Variants in ARGLU1 observed in about 807,000 individuals in gnomAD.
ARGLU1 encodes the protein arginine and glutamate rich 1, also known as arginine and glutamate-rich protein 1.
Under a neutral mutation model 37.6 loss-of-function variants are expected in ARGLU1, and 9 were observed. That is an observed-to-expected ratio of 0.24 (90% CI 0.14 to 0.42). The LOEUF (loss-of-function observed/expected upper bound fraction) is 0.42, where lower values mean the gene tolerates loss of function less well. ARGLU1 is among the 10% of genes least tolerant of loss of function. The pLI is 1.00. For missense variants in ARGLU1, 211 were observed against 359.2 expected (o/e 0.59, Z 3.34); for synonymous variants, 166 against 138.5 (o/e 1.20, Z -1.39).
chr13:106,563,222 CAT>C (rs1880864332), intron 1 of ARGLU1, among the ~76,000 whole-genome samples: 1 of 152,122 alleles, frequency 6.6e-6, no homozygotes, highest in African/African-American at 2.4e-5. Flanking sequence ...TAATAGGTAA[CAT>C]ATAATATTGT....
At chr13:106,553,725 T>C (rs1391078612) in intron 3 of ARGLU1, among the ~76,000 whole-genome samples, 1 of 152,236 alleles carries the variant, frequency 6.6e-6, no homozygotes, top group East Asian at 1.9e-4. Context: ...CCTACTTGTG[T>C]ACAAATATCC....
Position 106,557,250 on chromosome 13 carries a change from C to A in ARGLU1, c.574-119G>T, listed in dbSNP as rs542889231. On this transcript the variant is annotated intron_variant, in intron 2 of 3. Transcript: ENST00000400198. This position sits in a 1 kb window ranked among gnomAD's most constrained non-coding sequence, Gnocchi z 5.0. ...GACTTACAGGGTAGCTTTATAGCTA[C>A]CTTCTGTCTGACAAATGATAAACTG... 58 of 870,330 alleles carry A rather than the reference C, an allele frequency of 6.7e-5. 1 individual carries two copies. The South Asian group carries it at 9.1e-4, about 14-fold the overall frequency. The allele number at this position is 870,330 out of a possible 1,614,324, so 53.9% of individuals were successfully genotyped here.
rs1027175558 is a variant in ARGLU1 at position 106,543,161 on chromosome 13, C to T, written c.*835G>A. The T allele has an allele frequency of 6.6e-6, 1 of 152,118 alleles. No individual in the cohort carries two copies. Among genetic ancestry groups the T allele is most frequent in the African/African-American group, 2.4e-5 (1 of 41,336 alleles). 9.4% of individuals were successfully genotyped at this position (152,118 alleles called of 1,614,324 possible). A position where few individuals can be genotyped will look rare whatever the true frequency, so the allele number is the denominator to read the frequency against. ...ATAAAGTTGATATTTGTAAAAATAG[C>T]CATTAAATACTAATTCACAAGTATA... On this transcript the variant is annotated 3_prime_UTR_variant, in exon 4 of 4. Coordinates refer to ENST00000400198, the MANE Select transcript of ARGLU1 (RefSeq NM_018011.4).
chr13:106,557,197 C>CTGATTAG lies in ARGLU1; in HGVS notation c.574-67_574-66insCTAATCA. 2.2e-6 allele frequency: 3 copies of CTGATTAG among 1,362,726 alleles called. No individual in the cohort carries two copies. The highest frequency in any genetic ancestry group is 3.1e-6 in the Non-Finnish European group (3 of 967,098). The allele number at this position is 1,362,726 out of a possible 1,614,324, so 84.4% of individuals were successfully genotyped here. On this transcript the variant is annotated intron_variant, in intron 2 of 3. Coordinates refer to ENST00000400198, the MANE Select transcript of ARGLU1 (RefSeq NM_018011.4). The surrounding 1 kb of genome is among the most constrained non-coding windows in gnomAD (Gnocchi z 5.0). ...GTTTATTTTTATTGATAAATATTTA[C>CTGATTAG]TAATCTTCCTCTGAACTTTTTTGAT...
chr13:106,552,773 A>G (rs1382854131), intron 3 of ARGLU1, among the ~76,000 whole-genome samples: 1 of 152,244 alleles, frequency 6.6e-6, no homozygotes, highest in Non-Finnish European at 1.5e-5. Flanking sequence ...TGTCGCCAAC[A>G]CTAACTCAAG....
At chr13:106,555,714 G>A (rs767932444) in intron 3 of ARGLU1, among the ~76,000 whole-genome samples, 4 of 152,126 alleles carry the variant, frequency 2.6e-5, no homozygotes, top group Admixed American at 6.5e-5. Context: ...TTTCATGTGG[G>A]CAAATAATAG....
In ARGLU1 at chr13:106,564,885, C is replaced by T. The variant is rs975567052; in HGVS notation, c.347+2688G>A. Among the ~76,000 whole-genome samples, 4 of 152,188 alleles carry T rather than the reference C, an allele frequency of 2.6e-5. No individual in the cohort carries two copies. In the South Asian group the frequency reaches 6.2e-4, roughly 24 times the overall value. On this transcript the variant is annotated intron_variant, in intron 1 of 3. Coordinates refer to ENST00000400198, the MANE Select transcript of ARGLU1 (RefSeq NM_018011.4). ...TTTCTGACATTTTTACCAGTACCTG[C>T]CACATGGTTGTTACTGAAACATTTG...
chr13:106,559,082 G>A (rs1880729491), intron 2 of ARGLU1: 5 of 1,225,182 alleles, frequency 4.1e-6, no homozygotes, highest in Non-Finnish European at 5.2e-6. Flanking sequence ...ACAACCACAG[G>A]TGGATTTTTA....
chr13:106,558,957 A>C, intron 2 of ARGLU1: 1 of 985,328 alleles, frequency 1.0e-6, no homozygotes, highest in Non-Finnish European at 1.2e-6. Context: ...GAGTGAGAAA[A>C]CCTATTTATC....
At chr13:106,545,159 G>A (rs563851241) in intron 3 of ARGLU1, among the ~76,000 whole-genome samples, 22 of 152,280 alleles carry the variant, frequency 1.4e-4, no homozygotes, top group African/African-American at 4.6e-4. Context: ...TCTAGTGGGT[G>A]GAAGACTGGG....
chr13:106,559,902 A>G (rs945295671), intron 1 of ARGLU1, among the ~76,000 whole-genome samples: 11 of 152,218 alleles, frequency 7.2e-5, no homozygotes, highest in African/African-American at 2.4e-4. Flanking sequence ...ACAGGTATAT[A>G]CAAAGAGCCT....
At chr13:106,558,901 C>T (rs183826518) in intron 2 of ARGLU1, 1 of 985,288 alleles carries the variant, frequency 1.0e-6, no homozygotes, top group Non-Finnish European at 1.2e-6. Flanking sequence ...TGTGCTGAAG[C>T]AGGGTTTAGG....
intron 1 of ARGLU1, among the ~76,000 whole-genome samples, chr13:106,564,181 A>C (rs1397047899): frequency 6.6e-6 from 1 of 152,190 alleles, no homozygotes; most frequent in Non-Finnish European, 1.5e-5. Context: ...GTAAAGGCCT[A>C]CCTTCTCAGC....
chr13:106,553,234 C>G (rs1880579058), intron 3 of ARGLU1, among the ~76,000 whole-genome samples: 1 of 152,064 alleles, frequency 6.6e-6, no homozygotes, highest in African/African-American at 2.4e-5. Flanking sequence ...TTAAAATGTG[C>G]AAGTATATGT....
intron 1 of ARGLU1, chr13:106,561,729 T>G (rs913573823): frequency 6.6e-6 from 1 of 152,218 alleles, no homozygotes; most frequent in African/African-American, 2.4e-5. Flanking sequence ...AAGGTTATTT[T>G]TGGCAGTCAA....
chr13:106,543,727 C>T lies in ARGLU1; in HGVS notation c.*269G>A. 3.3e-6 allele frequency: 1 copy of T among 303,484 alleles called. No individual in the cohort carries two copies. The highest frequency in any genetic ancestry group is 5.8e-5 in the South Asian group (1 of 17,180). The allele number at this position is 303,484 out of a possible 1,614,324, so 18.8% of individuals were successfully genotyped here. On this transcript the variant is annotated 3_prime_UTR_variant, in exon 4 of 4. Transcript: ENST00000400198. ...ATCCATAGTTTTACAATGTGATCTG[C>T]TCTTCCTCAGACCACTAATATAGAA... is the stretch of plus-strand genomic sequence containing the variant.
intron 2 of ARGLU1, 187 bp downstream of exon 2, chr13:106,559,245 C>T: frequency 6.5e-7 from 1 of 1,530,284 alleles, no homozygotes. Flanking sequence ...AAGCTTCCAA[C>T]TTTTAAGTTA....
chr13:106,559,947 G>T (rs1179009236), intron 1 of ARGLU1, among the ~76,000 whole-genome samples: 1 of 152,110 alleles, frequency 6.6e-6, no homozygotes, highest in South Asian at 2.1e-4. Flanking sequence ...CAATAAATCC[G>T]GACAGAAAAC....
chr13:106,565,700 T>G (rs908346575), intron 1 of ARGLU1, among the ~76,000 whole-genome samples: 1 of 152,186 alleles, frequency 6.6e-6, no homozygotes, highest in African/African-American at 2.4e-5. Context: ...TCCAAGACAT[T>G]AGAATATATT....
Sources: allele counts gnomAD v4.1 joint callset (sites outside exome capture counted in the v4.1 genomes callset), GRCh38; gene constraint gnomAD v4.1.1; non-coding constraint Gnocchi (gnomAD v3.1); transcripts MANE v1.5; gene names NCBI Gene and HGNC (gene_info 2026-07-23, HGNC 2026-07-21).